The following RAB4A variants were observed in gnomAD, a reference collection of about 807,000 sequenced individuals.
RAB4A encodes ras-related protein Rab-4A.
Under a neutral mutation model 34.5 loss-of-function variants are expected in RAB4A, and 20 were observed. The observed-to-expected ratio is 0.58, with a 90% CI of 0.41 to 0.84. The LOEUF (loss-of-function observed/expected upper bound fraction) is 0.84, where lower values mean the gene tolerates loss of function less well. Among genes scored for constraint, RAB4A ranks in the 40% least tolerant of loss-of-function variants. The probability of loss-of-function intolerance (pLI) is 0.00; values close to 1 mark genes in which losing one functional copy is unlikely to be tolerated. For missense variants in RAB4A, 228 were observed against 274.5 expected (o/e 0.83, Z 1.20); for synonymous variants, 102 against 100.0 (o/e 1.02, Z -0.12).
intron 5 of RAB4A, among the ~76,000 whole-genome samples, chr1:229,297,955 G>A (rs549377383): frequency 5.9e-5 from 9 of 152,190 alleles, no homozygotes; most frequent in Admixed American, 2.0e-4. Context: ...ACCAAATGAT[G>A]TCATTATTTT....
intron 4 of RAB4A, 52 bp from the exon 5 acceptor site, chr1:229,297,429 GT>G: frequency 6.6e-7 from 1 of 1,515,638 alleles, no homozygotes; most frequent in South Asian, 1.3e-5. Flanking sequence ...ACTGGAAAGA[GT>G]TGCTAGTTTT....
chr1:229,277,131 C>G (rs1429314519), intron 1 of RAB4A, among the ~76,000 whole-genome samples: 1 of 149,798 alleles, frequency 6.7e-6, no homozygotes, highest in African/African-American at 2.5e-5. Flanking sequence ...AGTTGGCCTG[C>G]TAAGTAACTG....
intron 3 of RAB4A, among the ~76,000 whole-genome samples, chr1:229,294,485 G>A (rs1470406140): frequency 1.3e-5 from 2 of 152,242 alleles, no homozygotes; most frequent in African/African-American, 4.8e-5. Flanking sequence ...GAGTAGCAGA[G>A]ATGGACACTA....
rs1237687616 is a variant in RAB4A at position 229,305,308 on chromosome 1, G to T, written c.*1515G>T. 2.5e-6 allele frequency: 4 copies of T among 1,580,472 alleles called. No individual in the cohort carries two copies. The highest frequency in any genetic ancestry group is 3.4e-6 in the Non-Finnish European group (4 of 1,166,876). On this transcript the variant is annotated 3_prime_UTR_variant, in exon 8 of 8. Coordinates refer to ENST00000366690, the MANE Select transcript of RAB4A (RefSeq NM_004578.4). ...TCAATGTCTCATTTATGATAGATTTGCAAGCTGCTCATTTTTGAACAGCTT... is the reference window on the plus strand; with the variant it reads ...TCAATGTCTCATTTATGATAGATTTTCAAGCTGCTCATTTTTGAACAGCTT...
chr1:229,274,857 G>A (rs1656600888), intron 1 of RAB4A, among the ~76,000 whole-genome samples: 1 of 152,200 alleles, frequency 6.6e-6, no homozygotes, highest in African/African-American at 2.4e-5. Flanking sequence ...AGTTTATGCC[G>A]TCTACAATGG....
intron 3 of RAB4A, among the ~76,000 whole-genome samples, chr1:229,290,449 C>CTTG (rs1472664352): frequency 6.6e-6 from 1 of 152,148 alleles, no homozygotes; most frequent in Non-Finnish European, 1.5e-5. Flanking sequence ...AAAGGAAAGG[C>CTTG]TTGAAGGTAG....
intron 3 of RAB4A, chr1:229,289,079 C>T (rs554887545): frequency 3.9e-5 from 17 of 435,320 alleles, no homozygotes; most frequent in African/African-American, 2.1e-4. Context: ...CATTATAATT[C>T]GGAGGCTGAC....
chr1:229,301,061 G>A (rs961207642), intron 6 of RAB4A, among the ~76,000 whole-genome samples: 1 of 152,146 alleles, frequency 6.6e-6, no homozygotes, highest in Non-Finnish European at 1.5e-5. Flanking sequence ...ACACACATTG[G>A]GATGGGGAAT....
chr1:229,278,987 A>T (rs764230420), intron 1 of RAB4A, among the ~76,000 whole-genome samples: 1 of 152,158 alleles, frequency 6.6e-6, no homozygotes, highest in East Asian at 1.9e-4. Flanking sequence ...TTTCAACTTA[A>T]TCTCTGAATT....
chr1:229,292,684 T>C (rs1192873239), intron 3 of RAB4A, among the ~76,000 whole-genome samples: 1 of 152,232 alleles, frequency 6.6e-6, no homozygotes, highest in East Asian at 1.9e-4. Flanking sequence ...AGCTCTTCTT[T>C]GCCAAGCAGC....
intron 6 of RAB4A, among the ~76,000 whole-genome samples, chr1:229,300,614 A>G (rs903843238): frequency 8.5e-5 from 13 of 152,188 alleles, no homozygotes; most frequent in African/African-American, 2.4e-4. Context: ...CTCTAGACAG[A>G]GATGGGGTGG....
intron 1 of RAB4A, among the ~76,000 whole-genome samples, chr1:229,284,368 G>A (rs1279159897): frequency 6.6e-6 from 1 of 152,070 alleles, no homozygotes; most frequent in Non-Finnish European, 1.5e-5. Flanking sequence ...AAAGTGCTGG[G>A]ATTTACAGGC....
intron 5 of RAB4A, 126 bp downstream of exon 5, chr1:229,297,762 A>G (rs546821515): frequency 1.8e-6 from 2 of 1,120,044 alleles, no homozygotes; most frequent in Admixed American, 6.2e-5. Flanking sequence ...TGGAATTTCC[A>G]ATTGTTTTTT....
In RAB4A at chr1:229,271,313, C is replaced by G; in HGVS notation, c.-27C>G. 3 of 1,330,816 alleles carry G rather than the reference C, an allele frequency of 2.3e-6. No individual in the cohort carries two copies. The highest frequency in any genetic ancestry group is 6.3e-5 in the East Asian group (2 of 31,554). 82.4% of individuals were successfully genotyped at this position (1,330,816 alleles called of 1,614,324 possible). On this transcript the variant is annotated 5_prime_UTR_variant, in exon 1 of 8. Transcript: ENST00000366690. Reference sequence around the variant, plus strand: ...ACCGCGGGCGAGTGCAGCCGGTGACCCGGCGAGAGGCGGCGCCGCTCCCAA... The same window carrying G: ...ACCGCGGGCGAGTGCAGCCGGTGACGCGGCGAGAGGCGGCGCCGCTCCCAA...
rs773213321 is a variant in RAB4A at position 229,284,094 on chromosome 1, G to GTT, written c.32-2369_32-2368dup. 5.0e-3 allele frequency among the ~76,000 whole-genome samples: 230 copies of GTT among 45,888 alleles called. 2 individuals carry two copies. Among genetic ancestry groups the GTT allele is most frequent in the African/African-American group, 0.012 (113 of 9,768 alleles). The allele number at this position is 45,888 out of a possible 152,430, so 30.1% of individuals were successfully genotyped here. The stretch of plus-strand genomic sequence containing the variant: ...TTTTTTTTGTTGTTGGTGTTGTTTG[G>GTT]TTTTTTTTTTTTTTTTTTTTTTTTG... On this transcript the variant is annotated intron_variant, in intron 1 of 7. Transcript: ENST00000366690.
intron 1 of RAB4A, among the ~76,000 whole-genome samples, chr1:229,277,220 G>T (rs1408943592): frequency 6.6e-6 from 1 of 150,714 alleles, no homozygotes; most frequent in Non-Finnish European, 1.5e-5. Flanking sequence ...TCACGAACCT[G>T]GAGCAATTGT....
intron 1 of RAB4A, among the ~76,000 whole-genome samples, chr1:229,282,528 A>G (rs1656803803): frequency 6.6e-6 from 1 of 152,062 alleles, no homozygotes; most frequent in Non-Finnish European, 1.5e-5. Context: ...TTTTTCAACC[A>G]CTTTCTCTTT....
chr1:229,288,420 T>C (rs952744689), intron 2 of RAB4A, among the ~76,000 whole-genome samples: 7 of 152,246 alleles, frequency 4.6e-5, no homozygotes, highest in African/African-American at 1.4e-4. Context: ...TCACCATCTG[T>C]GAGCATCTTA....
At chr1:229,275,787 AT>A (rs1270506508) in intron 1 of RAB4A, among the ~76,000 whole-genome samples, 3 of 147,702 alleles carry the variant, frequency 2.0e-5, no homozygotes, top group East Asian at 2.0e-4. Context: ...CACCTAGCTA[AT>A]TTTTTTTTTG....
Sources: gnomAD v4.1 joint callset for allele counts (sites outside exome capture counted in the v4.1 genomes callset) on GRCh38, gnomAD v4.1.1 for gene constraint, MANE v1.5 for transcripts, NCBI Gene and HGNC (gene_info 2026-07-23, HGNC 2026-07-21) for gene names.